Variants in DCBLD1 observed in about 807,000 individuals in gnomAD.
DCBLD1 encodes discoidin, CUB and LCCL domain-containing protein 1.
A neutral mutation model predicts 71.5 loss-of-function variants in DCBLD1; 57 were observed. The observed-to-expected ratio is 0.80, with a 90% CI of 0.64 to 0.99. DCBLD1 has a LOEUF of 0.99. Ranked by LOEUF, DCBLD1 falls within the 50% of genes least tolerant of loss-of-function variation. The pLI is 0.00. For synonymous variants in DCBLD1, 380 were observed against 363.8 expected (o/e 1.04, Z -0.51); for missense variants, 891 against 923.5 (o/e 0.96, Z 0.46).
intron 14 of DCBLD1, among the ~76,000 whole-genome samples, chr6:117,546,316 GC>G (rs1779263609): frequency 6.6e-6 from 1 of 152,156 alleles, no homozygotes; most frequent in Non-Finnish European, 1.5e-5. Context: ...ACTCTGTGGG[GC>G]ATGCTCTGAG....
chr6:117,541,299 ACT>A (rs1779088689), intron 11 of DCBLD1, among the ~76,000 whole-genome samples: 1 of 144,138 alleles, frequency 6.9e-6, no homozygotes, highest in South Asian at 2.5e-4. Flanking sequence ...GCAGTGGAAC[ACT>A]CTGCAGCCAT....
At chr6:117,541,459 A>C (rs898282948) in intron 11 of DCBLD1, among the ~76,000 whole-genome samples, 1 of 152,374 alleles carries the variant, frequency 6.6e-6, no homozygotes, top group East Asian at 1.9e-4. Context: ...ATAAATATTC[A>C]TTCCAGTATC....
At chr6:117,539,231 C>T in intron 8 of DCBLD1, 24 bp from the exon 9 acceptor site, 4 of 1,505,458 alleles carry the variant, frequency 2.7e-6, no homozygotes, top group Non-Finnish European at 3.5e-6. Context: ...TAAAAATAGC[C>T]TGTAAATATT....
chr6:117,540,158 A>G (rs1205759104), intron 9 of DCBLD1: 2 of 152,912 alleles, frequency 1.3e-5, no homozygotes, highest in African/African-American at 2.4e-5. Context: ...AAACCTTGAG[A>G]GATCTTTGTG....
chr6:117,563,146 T>C (rs1779620115), intron 14 of DCBLD1: 1 of 996,940 alleles, frequency 1.0e-6, no homozygotes, highest in South Asian at 1.5e-5. Context: ...GCCTTTCATT[T>C]AGGCAACAAA....
rs915966830 is a variant in DCBLD1 at position 117,549,060 on chromosome 6, A to T, written c.*621A>T. On this transcript the variant is annotated 3_prime_UTR_variant, in exon 15 of 15. Coordinates refer to ENST00000338728, the MANE Select transcript of DCBLD1 (RefSeq NM_001366458.2). ...GGTGGTTGTTTATTTAGCAATTATGACTGTAGATTTAAAAACAAGCAAAGA... is the reference window on the plus strand; with the variant it reads ...GGTGGTTGTTTATTTAGCAATTATGTCTGTAGATTTAAAAACAAGCAAAGA... 1.0e-6 allele frequency: 1 copy of T among 985,966 alleles called. No homozygotes were observed. Among genetic ancestry groups the T allele is most frequent in the Non-Finnish European group, 1.2e-6 (1 of 830,474 alleles). 61.1% of individuals were successfully genotyped at this position (985,966 alleles called of 1,614,324 possible). A position where few individuals can be genotyped will look rare whatever the true frequency, so the allele number is the denominator to read the frequency against.
chr6:117,488,130 G>C (rs1196280117), intron 1 of DCBLD1, among the ~76,000 whole-genome samples: 1 of 152,154 alleles, frequency 6.6e-6, no homozygotes, highest in African/African-American at 2.4e-5. Context: ...TAAGATCCAT[G>C]AAAGCAGAGA....
intron 2 of DCBLD1, among the ~76,000 whole-genome samples, chr6:117,515,874 T>C (rs189860061): frequency 1.6e-3 from 246 of 152,276 alleles, no homozygotes; most frequent in African/African-American, 5.7e-3. Context: ...ATTCAAACTG[T>C]TTGTGGGAGG....
chr6:117,547,787 C>T, intron 14 of DCBLD1, 120 bp from the exon 15 acceptor site: 1 of 1,542,334 alleles, frequency 6.5e-7, no homozygotes. Context: ...GCCTGGGACA[C>T]CTGAGGGCAC....
chr6:117,495,557 A>C (rs558271830), intron 1 of DCBLD1, among the ~76,000 whole-genome samples: 86 of 152,314 alleles, frequency 5.6e-4, no homozygotes, highest in Non-Finnish European at 9.6e-4. Context: ...GACTCACCCA[A>C]GGCCACAAAG....
rs1214947125 is a variant in DCBLD1, at chr6:117,539,388, T to G, written c.1101+9T>G. ...TGAATAATGAAGAAAAGGTAAGAGGTAACCCTAGAGGCAAGAGAACTGAGT... is the reference window on the plus strand; with the variant it reads ...TGAATAATGAAGAAAAGGTAAGAGGGAACCCTAGAGGCAAGAGAACTGAGT... On this transcript the variant is annotated intron_variant, in intron 9 of 14. Transcript: ENST00000338728. The G allele has an allele frequency of 1.9e-6, 3 of 1,598,698 alleles. No homozygotes were observed. Among genetic ancestry groups the G allele is most frequent in the South Asian group, 2.3e-5 (2 of 88,194 alleles).
At chr6:117,501,041 T>C (rs931912990) in intron 1 of DCBLD1, among the ~76,000 whole-genome samples, 4 of 152,218 alleles carry the variant, frequency 2.6e-5, no homozygotes, top group Non-Finnish European at 5.9e-5. Context: ...AAGGAGAATT[T>C]CATAGTCCTA....
intron 1 of DCBLD1, among the ~76,000 whole-genome samples, chr6:117,502,692 T>G (rs779606104): frequency 1.5e-4 from 23 of 152,200 alleles, no homozygotes; most frequent in Non-Finnish European, 2.9e-4. Context: ...AGTTCCTTCT[T>G]CAACAGCTTT....
At chr6:117,535,710 C>G (rs1442009982) in intron 6 of DCBLD1, among the ~76,000 whole-genome samples, 2 of 151,972 alleles carry the variant, frequency 1.3e-5, no homozygotes, top group Non-Finnish European at 2.9e-5. Context: ...CTTAGGGTCG[C>G]CGCAGCATTA....
chr6:117,538,125 T>C (rs928969156), intron 7 of DCBLD1, among the ~76,000 whole-genome samples: 4 of 152,192 alleles, frequency 2.6e-5, no homozygotes, highest in Admixed American at 6.5e-5. Context: ...TGCCTTCACA[T>C]TGGTATATTG....
rs1562127278 is a variant in DCBLD1, at chr6:117,548,209, TC to T, written c.1923del (p.Val642Ter). 1 of 1,550,308 alleles carries T rather than the reference TC, an allele frequency of 6.5e-7. No homozygotes were observed. Among genetic ancestry groups the T allele is most frequent in the South Asian group, 1.2e-5 (1 of 84,038 alleles). On this transcript the variant is annotated frameshift_variant, in exon 15 of 15. Transcript: ENST00000338728. LOFTEE classifies it low-confidence loss of function (END_TRUNC). ...ACACTCCCTCTCCTCGGGCGGCTTCTCCCCCGTAGCGGGTGTGGGCGCCCAG... is the reference window on the plus strand; with the variant it reads ...ACACTCCCTCTCCTCGGGCGGCTTCTCCCCGTAGCGGGTGTGGGCGCCCAG... ...HKHSLSSGGF[S>X]PVAGVGAQDG...
downstream of DCBLD1, among the ~76,000 whole-genome samples, chr6:117,554,539 T>C (rs1162599695): frequency 6.6e-6 from 1 of 152,214 alleles, no homozygotes; most frequent in Non-Finnish European, 1.5e-5. Context: ...TGGTTATAGA[T>C]ATGAATCCAT....
downstream of DCBLD1, among the ~76,000 whole-genome samples, chr6:117,553,477 C>A (rs1345162789): frequency 1.3e-5 from 2 of 152,088 alleles, no homozygotes; most frequent in Non-Finnish European, 2.9e-5. Context: ...TGGAGGTCTC[C>A]CCCTCAGCCT....
At chr6:117,482,950 G>A in intron 1 of DCBLD1, 57 bp downstream of exon 1, 2 of 1,129,392 alleles carry the variant, frequency 1.8e-6, no homozygotes, top group Non-Finnish European at 2.2e-6. Context: ...GCGGGCTGAG[G>A]GCTGCGGGGC....
Sources: gnomAD v4.1 joint callset for allele counts (sites outside exome capture counted in the v4.1 genomes callset) on GRCh38, gnomAD v4.1.1 for gene constraint, MANE v1.5 for transcripts, NCBI Gene and HGNC (gene_info 2026-07-23, HGNC 2026-07-21) for gene names.